COL4A3: variants seen among roughly 807,000 people sequenced by gnomAD.
COL4A3 encodes the protein collagen type IV alpha 3 chain, also known as collagen alpha-3(IV) chain.
Under a neutral mutation model 217.4 loss-of-function variants are expected in COL4A3, and 135 were observed. The observed-to-expected ratio is 0.62, with a 90% CI of 0.54 to 0.72. The LOEUF (loss-of-function observed/expected upper bound fraction) is 0.72. COL4A3 is among the 30% of genes least tolerant of loss of function. COL4A3 has a pLI of 0.00. For missense variants in COL4A3, 1,868 were observed against 2,119.9 expected (o/e 0.88, Z 2.33); for synonymous variants, 690 against 736.3 (o/e 0.94, Z 1.02).
chr2:227,224,199 G>A lies in COL4A3; in HGVS notation c.88-13769G>A, dbSNP rs141807316. ...ACAGATGAACTTTAAGGCGTTTTACGATCTTAATATTCTATTACTTATAAC... is the reference window on the plus strand; with the variant it reads ...ACAGATGAACTTTAAGGCGTTTTACAATCTTAATATTCTATTACTTATAAC... On this transcript the variant is annotated intron_variant, in intron 1 of 51. Transcript: ENST00000396578. Among the ~76,000 whole-genome samples the A allele has an allele frequency of 2.1e-3, 321 of 152,236 alleles. 1 individual carries two copies. The highest frequency in any genetic ancestry group is 7.1e-3 in the African/African-American group (297 of 41,540).
chr2:227,198,373 A>G (rs1167287393), intron 1 of COL4A3, among the ~76,000 whole-genome samples: 1 of 152,216 alleles, frequency 6.6e-6, no homozygotes, highest in Non-Finnish European at 1.5e-5. Flanking sequence ...AAATTGTAGC[A>G]ATACTTATTT....
At chr2:227,244,033 G>A (rs2069176480) in intron 3 of COL4A3, among the ~76,000 whole-genome samples, 3 of 152,156 alleles carry the variant, frequency 2.0e-5, no homozygotes, top group South Asian at 4.1e-4. Context: ...TCTGGGAGGT[G>A]AGGCAGATCT....
intron 46 of COL4A3, among the ~76,000 whole-genome samples, 197 bp from the exon 47 acceptor site, chr2:227,304,788 C>T (rs573839349): frequency 1.3e-5 from 2 of 152,092 alleles, no homozygotes; most frequent in Non-Finnish European, 2.9e-5. Flanking sequence ...AGTTCATTTT[C>T]GAGAGTCTTA....
chr2:227,293,199 A>G lies in COL4A3; in HGVS notation c.3219A>G (p.Pro1073=). ...ATTTGACTACATTTAAGGGGGATCCAGGACTGCCGGGTGATATGGGAAAGA... is the reference window on the plus strand; with the variant it reads ...ATTTGACTACATTTAAGGGGGATCCGGGACTGCCGGGTGATATGGGAAAGA... The part of the protein sequence containing the change: ...RPGPPGPTGD[P]GLPGDMGKKG... The change falls in exon 38 of 52, where the codon CCA becomes CCG. Residue 1073 remains proline (P), a synonymous_variant. Coordinates refer to ENST00000396578, the MANE Select transcript of COL4A3 (RefSeq NM_000091.5). 1 of 1,614,014 alleles carries G rather than the reference A, an allele frequency of 6.2e-7. No homozygotes were observed. The highest frequency in any genetic ancestry group is 8.5e-7 in the Non-Finnish European group (1 of 1,180,032).
chr2:227,303,205 G>A (rs979518069), intron 44 of COL4A3, 95 bp downstream of exon 44: 2 of 1,059,762 alleles, frequency 1.9e-6, no homozygotes, highest in Non-Finnish European at 1.5e-6. Context: ...CAGACAGCTG[G>A]GGTTAGTACA....
rs183668882 is a variant in COL4A3, at chr2:227,248,330, A to G, written c.469-113A>G. 147 of 766,644 alleles carry G rather than the reference A, an allele frequency of 1.9e-4. No homozygotes were observed. The African/African-American group carries it at 2.2e-3, about 11-fold the overall frequency. 47.5% of individuals were successfully genotyped at this position (766,644 alleles called of 1,614,324 possible). A position where few individuals can be genotyped will look rare whatever the true frequency, so the allele number is the denominator to read the frequency against. The stretch of plus-strand genomic sequence containing the variant: ...AAAATCATAAATCATTTCTCTGAGT[A>G]CATAACTTGAAAAGCATTTTTATCT... On this transcript the variant is annotated intron_variant, in intron 8 of 51. Coordinates refer to ENST00000396578, the MANE Select transcript of COL4A3 (RefSeq NM_000091.5).
intron 37 of COL4A3, among the ~76,000 whole-genome samples, 183 bp from the exon 38 acceptor site, chr2:227,293,008 T>C (rs2072839839): frequency 6.6e-6 from 1 of 152,204 alleles, no homozygotes; most frequent in South Asian, 2.1e-4. Context: ...ATTTTCATTT[T>C]GCACTGGGCC....
intron 1 of COL4A3, among the ~76,000 whole-genome samples, chr2:227,209,207 T>G (rs746844383): frequency 3.3e-5 from 5 of 152,214 alleles, no homozygotes; most frequent in Admixed American, 6.5e-5. Flanking sequence ...AGGATAATCT[T>G]GGGGATTCCC....
At chr2:227,218,080 C>CTA (rs10606625) in intron 1 of COL4A3, among the ~76,000 whole-genome samples, 25,810 of 118,132 alleles carry the variant, frequency 0.22, 2,633 homozygotes, top group Non-Finnish European at 0.26. Context: ...ATATATATAG[C>CTA]TATATATATA....
chr2:227,196,484 A>AT (rs1034507501), intron 1 of COL4A3, among the ~76,000 whole-genome samples: 6 of 73,366 alleles, frequency 8.2e-5, no homozygotes, highest in African/African-American at 2.1e-4. Context: ...TGCCTGGCTA[A>AT]TTTTTTGTAT....
intron 27 of COL4A3, 115 bp from the exon 28 acceptor site, chr2:227,277,334 A>G (rs1246166688): frequency 2.4e-5 from 18 of 737,800 alleles, no homozygotes; most frequent in Non-Finnish European, 3.5e-5. Context: ...AAAAAAAAAA[A>G]AAAAAACAAT....
chr2:227,298,857 A>C, intron 43 of COL4A3, 45 bp downstream of exon 43: 1 of 1,540,130 alleles, frequency 6.5e-7, no homozygotes, highest in Non-Finnish European at 8.9e-7. Context: ...TTCAATATCA[A>C]CTTATAATTA....
At chr2:227,290,190 C>A in intron 36 of COL4A3, 102 bp downstream of exon 36, 1 of 1,158,256 alleles carries the variant, frequency 8.6e-7, no homozygotes, top group Non-Finnish European at 1.3e-6. Context: ...TGGTAGAAAG[C>A]TTATATTAAA....
At chr2:227,192,559 C>T (rs1349441178) in intron 1 of COL4A3, among the ~76,000 whole-genome samples, 3 of 152,188 alleles carry the variant, frequency 2.0e-5, no homozygotes, top group African/African-American at 7.2e-5. Context: ...CTTCAAACCC[C>T]ACCACAATGG....
chr2:227,196,683 G>A (rs192553171), intron 1 of COL4A3, among the ~76,000 whole-genome samples: 41 of 152,248 alleles, frequency 2.7e-4, no homozygotes, highest in African/African-American at 9.4e-4. Context: ...ACACGATTGC[G>A]TTATAATTGC....
intron 47 of COL4A3, among the ~76,000 whole-genome samples, chr2:227,306,455 C>T (rs1178444034): frequency 6.6e-6 from 1 of 152,100 alleles, no homozygotes; most frequent in African/African-American, 2.4e-5. Context: ...TTGTTTGGGG[C>T]CAACTATAGC....
chr2:227,184,040 T>C (rs2065937785), intron 1 of COL4A3, among the ~76,000 whole-genome samples: 1 of 152,220 alleles, frequency 6.6e-6, no homozygotes, highest in South Asian at 2.1e-4. Context: ...TTTTTGATCA[T>C]TGCATTAGCC....
intron 2 of COL4A3, among the ~76,000 whole-genome samples, chr2:227,238,459 G>A (rs2068824666): frequency 6.6e-6 from 1 of 152,156 alleles, no homozygotes. Flanking sequence ...CCCTGGTGGA[G>A]AAATCCCACA....
chr2:227,261,933 T>C (rs2070599396), intron 20 of COL4A3, among the ~76,000 whole-genome samples: 1 of 152,216 alleles, frequency 6.6e-6, no homozygotes, highest in South Asian at 2.1e-4. Context: ...TCATCAAGTA[T>C]AACTGTAGTG....
Sources: allele counts gnomAD v4.1 joint callset (sites outside exome capture counted in the v4.1 genomes callset), GRCh38; gene constraint gnomAD v4.1.1; transcripts MANE v1.5; gene names NCBI Gene and HGNC (gene_info 2026-07-23, HGNC 2026-07-21).